Variants in NDUFA12 observed in about 807,000 individuals in gnomAD.
NDUFA12 encodes NADH:ubiquinone oxidoreductase subunit A12, also known as NADH dehydrogenase [ubiquinone] 1 alpha subcomplex subunit 12.
A neutral mutation model predicts 20.3 loss-of-function variants in NDUFA12; 17 were observed. The ratio of observed to expected loss-of-function variants is 0.84; its 90% confidence interval spans 0.57 to 1.26. The LOEUF is 1.26. Among genes scored for constraint, NDUFA12 ranks in the 50% most tolerant of loss-of-function variants. NDUFA12 has a pLI of 0.00. For synonymous variants in NDUFA12, 72 were observed against 63.6 expected (o/e 1.13, Z -0.63); for missense variants, 191 against 183.7 (o/e 1.04, Z -0.23).
At chr12:94,984,061 G>A (rs1451455215) in intron 3 of NDUFA12, among the ~76,000 whole-genome samples, 1 of 152,052 alleles carries the variant, frequency 6.6e-6, no homozygotes, top group East Asian at 1.9e-4. Context: ...GAGGGGGGAT[G>A]AGAGGGCAGC....
intron 2 of NDUFA12, among the ~76,000 whole-genome samples, chr12:94,998,234 T>C (rs1473739858): frequency 6.6e-6 from 1 of 152,162 alleles, no homozygotes; most frequent in Non-Finnish European, 1.5e-5. Context: ...AAAAATCATA[T>C]GATCATCTCA....
chr12:94,991,237 G>A (rs1341856464), intron 3 of NDUFA12, among the ~76,000 whole-genome samples: 2 of 151,948 alleles, frequency 1.3e-5, no homozygotes, highest in South Asian at 2.1e-4. Context: ...TTGTGCCATT[G>A]CTCTCCAGCC....
At chr12:95,001,592 C>T (rs182401619) in intron 2 of NDUFA12, among the ~76,000 whole-genome samples, 54 of 152,144 alleles carry the variant, frequency 3.5e-4, no homozygotes, top group Admixed American at 1.6e-3. Context: ...CGAGTCACTG[C>T]ACTCTAGACT....
Position 94,971,489 on chromosome 12 carries a change from G to A in NDUFA12, c.389C>T (p.Thr130Ile), listed in dbSNP as rs2136056228. 1 of 1,614,180 alleles carries A rather than the reference G, an allele frequency of 6.2e-7. No homozygotes were observed. The highest frequency in any genetic ancestry group is 8.5e-7 in the Non-Finnish European group (1 of 1,180,034). The change falls in exon 4 of 4, where the codon ACT (threonine) becomes ATT (isoleucine). Residue 130 changes from threonine to isoleucine, a missense_variant. Thr to Ile is a moderately conservative substitution (Grantham distance 89). Coordinates refer to ENST00000327772, the MANE Select transcript of NDUFA12 (RefSeq NM_018838.5). ...TPEQYVPYSTTRKKIQEWIPP... is the reference protein window; with the variant it reads ...TPEQYVPYSTIRKKIQEWIPP... ...GATCCACTCCTGAATCTTCTTTCTA[G>A]TGGTAGAATAAGGTACATATTGTTC...
chr12:94,991,896 G>A (rs1308978878), intron 3 of NDUFA12, among the ~76,000 whole-genome samples: 3 of 152,112 alleles, frequency 2.0e-5, no homozygotes, highest in Non-Finnish European at 4.4e-5. Flanking sequence ...TCAGTTCACT[G>A]CAGTCTCCAC....
At chr12:94,999,018 A>G (rs1874931716) in intron 2 of NDUFA12, among the ~76,000 whole-genome samples, 2 of 152,230 alleles carry the variant, frequency 1.3e-5, no homozygotes, top group African/African-American at 2.4e-5. Context: ...ATGAGCCCAC[A>G]CAGCCAAAGC....
At chr12:95,002,943 A>G (rs1875112031) in intron 1 of NDUFA12, 122 bp from the exon 2 acceptor site, 3 of 818,692 alleles carry the variant, frequency 3.7e-6, no homozygotes, top group Non-Finnish European at 6.4e-6. Flanking sequence ...AGCAAAATGA[A>G]GAAGTGCTGG....
chr12:94,995,823 CGATAGTAACAGGATTGAAGAAATAAT>C (rs1874806895), intron 2 of NDUFA12, among the ~76,000 whole-genome samples: 1 of 151,936 alleles, frequency 6.6e-6, no homozygotes, highest in African/African-American at 2.4e-5. Flanking sequence ...ATGTGTCTAT[CGATAGTAACAGGATTGAAGAAATAAT>C]GGTTCTTCCA....
intron 2 of NDUFA12, among the ~76,000 whole-genome samples, chr12:95,000,946 AAAC>A (rs1351389163): frequency 1.5e-4 from 23 of 152,364 alleles, no homozygotes; most frequent in African/African-American, 3.1e-4. Context: ...TAAAATAAAA[AAAC>A]AACAACAAAC....
At chr12:94,976,370 C>T (rs1874064439) in intron 3 of NDUFA12, among the ~76,000 whole-genome samples, 1 of 152,126 alleles carries the variant, frequency 6.6e-6, no homozygotes, top group African/African-American at 2.4e-5. Flanking sequence ...TAAGAATAAA[C>T]AGTTGTCCCT....
At chr12:94,975,953 G>A (rs932906273) in intron 3 of NDUFA12, among the ~76,000 whole-genome samples, 11 of 152,030 alleles carry the variant, frequency 7.2e-5, no homozygotes, top group African/African-American at 2.7e-4. Flanking sequence ...GGCTGAGGCA[G>A]GGATCACATG....
At chr12:94,984,850 CG>C (rs1455707070) in intron 3 of NDUFA12, among the ~76,000 whole-genome samples, 1 of 150,800 alleles carries the variant, frequency 6.6e-6, no homozygotes, top group East Asian at 1.9e-4. Context: ...TGGCAGCGCA[CG>C]CCTGTAATCC....
In NDUFA12 at chr12:94,991,635, G is replaced by A. The variant is rs1874648114; in HGVS notation, c.257+2535C>T. On this transcript the variant is annotated intron_variant, in intron 3 of 3. Transcript: ENST00000327772. ...CCAGCTACTTGAGAGGCTGAGGCGG[G>A]AGAATTGCTTGAACCTGGGAGGCGG... Among the ~76,000 whole-genome samples the A allele has an allele frequency of 2.0e-5, 3 of 150,332 alleles. No individual in the cohort carries two copies. In the South Asian group the frequency reaches 6.3e-4, roughly 32 times the overall value.
chr12:94,991,294 T>G (rs773340959), intron 3 of NDUFA12, among the ~76,000 whole-genome samples: 1 of 151,624 alleles, frequency 6.6e-6, no homozygotes, highest in African/African-American at 2.4e-5. Flanking sequence ...ATATTAATAA[T>G]AATAAAATGT....
intron 3 of NDUFA12, among the ~76,000 whole-genome samples, chr12:94,986,156 G>A (rs1415710297): frequency 2.0e-5 from 3 of 151,892 alleles, no homozygotes; most frequent in Admixed American, 6.6e-5. Context: ...TGGGAAGATC[G>A]CTTGAGCACA....
intron 3 of NDUFA12, 21 bp from the exon 4 acceptor site, chr12:94,971,641 C>G: frequency 6.2e-7 from 1 of 1,613,762 alleles, no homozygotes; most frequent in South Asian, 1.1e-5. Flanking sequence ...GGAAAAAACC[C>G]AAACAGTTAT....
At chr12:94,988,070 T>G (rs1874513283) in intron 3 of NDUFA12, among the ~76,000 whole-genome samples, 1 of 152,206 alleles carries the variant, frequency 6.6e-6, no homozygotes, top group African/African-American at 2.4e-5. Flanking sequence ...AGTGTTCTAC[T>G]CCTTGTCCAA....
intron 3 of NDUFA12, among the ~76,000 whole-genome samples, chr12:94,989,863 C>T (rs576574964): frequency 6.6e-6 from 1 of 152,276 alleles, no homozygotes; most frequent in African/African-American, 2.4e-5. Context: ...CAAAATGTGG[C>T]CCCTGAGCAC....
At chr12:95,002,573 G>A (rs1468931981) in intron 2 of NDUFA12, among the ~76,000 whole-genome samples, 166 bp downstream of exon 2, 2 of 151,406 alleles carry the variant, frequency 1.3e-5, no homozygotes, top group Non-Finnish European at 2.9e-5. Context: ...ACCTTCATTG[G>A]CTGTTTACTT....
Sources: allele counts gnomAD v4.1 joint callset (sites outside exome capture counted in the v4.1 genomes callset), GRCh38; gene constraint gnomAD v4.1.1; transcripts MANE v1.5; gene names NCBI Gene and HGNC (gene_info 2026-07-23, HGNC 2026-07-21).